DPP10: variants seen among roughly 807,000 people sequenced by gnomAD.
DPP10 encodes dipeptidyl peptidase like 10, also known as inactive dipeptidyl peptidase 10.
A neutral mutation model predicts 120.9 loss-of-function variants in DPP10; 33 were observed. The observed-to-expected ratio is 0.27, with a 90% confidence interval of 0.21 to 0.37. The LOEUF (loss-of-function observed/expected upper bound fraction) is 0.37. Among genes scored for constraint, DPP10 ranks in the 10% least tolerant of loss-of-function variants. DPP10 has a pLI of 1.00. For synonymous variants in DPP10, 337 were observed against 326.1 expected, an observed-to-expected ratio of 1.03 and a Z score of -0.36; for missense variants, 816 against 942.8, an observed-to-expected ratio of 0.87 and a Z score of 1.76.
chr2:115,486,111 T>A (rs2075760708), intron 3 of DPP10, among the ~76,000 whole-genome samples: 1 of 152,148 alleles, frequency 6.6e-6, no homozygotes, highest in South Asian at 2.1e-4. Context: ...CACAGTGGAT[T>A]TATATTATTT....
chr2:114,962,713 C>T (rs1303019087), intron 1 of DPP10, among the ~76,000 whole-genome samples: 1 of 152,160 alleles, frequency 6.6e-6, no homozygotes, highest in Non-Finnish European at 1.5e-5. Context: ...CTCTTGGCAC[C>T]TATTAGCATA....
chr2:114,851,875 C>T (rs1688968746), intron 1 of DPP10, among the ~76,000 whole-genome samples: 1 of 152,262 alleles, frequency 6.6e-6, no homozygotes. Context: ...CACAATTCTG[C>T]TCACATTTTC....
At chr2:114,784,381 C>T (rs1236222604) in intron 1 of DPP10, among the ~76,000 whole-genome samples, 3 of 152,130 alleles carry the variant, frequency 2.0e-5, no homozygotes, top group Admixed American at 6.6e-5. Flanking sequence ...TCTACTTTTA[C>T]CTCTTTAAAA....
intron 5 of DPP10, among the ~76,000 whole-genome samples, chr2:115,664,579 A>T (rs74967164): frequency 0.014 from 2,147 of 152,288 alleles, 44 homozygotes; most frequent in African/African-American, 0.046. Context: ...TCTGTCAAGC[A>T]AGGAAATGCT....
intron 1 of DPP10, among the ~76,000 whole-genome samples, chr2:115,035,809 A>T (rs1704190218): frequency 6.6e-6 from 1 of 152,252 alleles, no homozygotes; most frequent in African/African-American, 2.4e-5. Context: ...TATAACAGGT[A>T]TCTGATTAGC....
At chr2:115,055,335 C>T (rs1291334510) in intron 1 of DPP10, among the ~76,000 whole-genome samples, 1 of 152,120 alleles carries the variant, frequency 6.6e-6, no homozygotes, top group Admixed American at 6.5e-5. Context: ...AGAAGCAATA[C>T]TAATAAAACT....
At chr2:115,625,996 T>C (rs2085327430) in intron 5 of DPP10, among the ~76,000 whole-genome samples, 1 of 151,360 alleles carries the variant, frequency 6.6e-6, no homozygotes, top group Non-Finnish European at 1.5e-5. Context: ...TCTATTTGTC[T>C]GAATCTGTCT....
intron 5 of DPP10, among the ~76,000 whole-genome samples, chr2:115,542,150 T>C (rs1398693290): frequency 6.6e-6 from 1 of 151,936 alleles, no homozygotes; most frequent in African/African-American, 2.4e-5. Context: ...TTTTTTATTA[T>C]ACGTAACTAC....
At chr2:115,827,404 A>ATG (rs57052168) in intron 21 of DPP10, among the ~76,000 whole-genome samples, 166 of 104,172 alleles carry the variant, frequency 1.6e-3, no homozygotes, top group African/African-American at 5.4e-3. Context: ...GTGTGTGTGT[A>ATG]TGTGTGTGTG....
At chr2:114,472,763 T>C in intron 1 of DPP10, among the ~76,000 whole-genome samples, 1 of 152,194 alleles carries the variant, frequency 6.6e-6, no homozygotes. Flanking sequence ...TTGGTATTTG[T>C]TTTTATTCTA....
At chr2:115,803,189 C>T (rs1265597219) in intron 19 of DPP10, among the ~76,000 whole-genome samples, 2 of 152,088 alleles carry the variant, frequency 1.3e-5, no homozygotes, top group African/African-American at 4.8e-5. Context: ...TATGTAATTT[C>T]CTTCTTTGTC....
At chr2:115,683,645 C>T (rs1014643259) in intron 5 of DPP10, among the ~76,000 whole-genome samples, 1 of 151,564 alleles carries the variant, frequency 6.6e-6, no homozygotes, top group African/African-American at 2.4e-5. Flanking sequence ...TTGCTGTGAA[C>T]CTAAAAGTGC....
At chr2:114,707,225 C>T (rs1700739825) in intron 1 of DPP10, 1 of 151,536 alleles carries the variant, frequency 6.6e-6, no homozygotes, top group Non-Finnish European at 1.5e-5. Flanking sequence ...TTGTTTCTGA[C>T]TAAAGACAAT....
chr2:115,711,915 G>GTTTTTTTTTTTTTT lies in DPP10; in HGVS notation c.577-15901_577-15900insTTTTTTTTTTTTTT, dbSNP rs1491280011. Among the ~76,000 whole-genome samples the GTTTTTTTTTTTTTT allele has an allele frequency of 7.2e-5, 7 of 96,986 alleles. 3 individuals are homozygous for GTTTTTTTTTTTTTT. Among genetic ancestry groups the GTTTTTTTTTTTTTT allele is most frequent in the Non-Finnish European group, 7.9e-5 (4 of 50,822 alleles). The allele number at this position is 96,986 out of a possible 152,430, so 63.6% of individuals were successfully genotyped here. On this transcript the variant is annotated intron_variant, in intron 7 of 25. Transcript: ENST00000410059. ...GAATATTGGACCTATAAAATGGTCT[G>GTTTTTTTTTTTTTT]GTTTTTTTTTTTTTTTTTTTTTTGG...
chr2:114,744,982 G>A (rs925241996), intron 1 of DPP10, among the ~76,000 whole-genome samples: 1 of 152,062 alleles, frequency 6.6e-6, no homozygotes, highest in African/African-American at 2.4e-5. Flanking sequence ...GGCTGGTCTC[G>A]AACTCCTGAC....
At chr2:114,592,892 G>A (rs928036405) in intron 1 of DPP10, among the ~76,000 whole-genome samples, 2 of 152,134 alleles carry the variant, frequency 1.3e-5, no homozygotes, top group African/African-American at 4.8e-5. Context: ...TAGAATTCAT[G>A]TTCATAACTG....
chr2:114,523,804 C>T (rs758638397), intron 1 of DPP10, among the ~76,000 whole-genome samples: 5 of 152,270 alleles, frequency 3.3e-5, no homozygotes, highest in South Asian at 2.1e-4. Context: ...ATCCCTCTCT[C>T]CCCTCCACCT....
intron 1 of DPP10, among the ~76,000 whole-genome samples, chr2:115,006,862 G>A (rs1169131997): frequency 2.0e-5 from 3 of 151,754 alleles, no homozygotes; most frequent in African/African-American, 7.3e-5. Context: ...TCTGCACCAA[G>A]CGGACCTAAT....
At chr2:114,716,058 A>T (rs748191030) in intron 1 of DPP10, among the ~76,000 whole-genome samples, 27 of 144,052 alleles carry the variant, frequency 1.9e-4, no homozygotes, top group East Asian at 5.9e-4. Flanking sequence ...TCTTTTTTTT[A>T]AAAAAAAAAC....
Sources: gnomAD v4.1 joint callset for allele counts (sites outside exome capture counted in the v4.1 genomes callset) on GRCh38, gnomAD v4.1.1 for gene constraint, MANE v1.5 for transcripts, NCBI Gene and HGNC (gene_info 2026-07-23, HGNC 2026-07-21) for gene names.